SCUBE1: variants seen among roughly 807,000 people sequenced by gnomAD.
SCUBE1 encodes the protein signal peptide, CUB and EGF-like domain-containing protein 1.
In SCUBE1, 59 loss-of-function variants were observed where a neutral mutation model predicts 124.4. That is an observed-to-expected ratio of 0.47 (90% CI 0.38 to 0.59). The LOEUF is 0.59. SCUBE1 is among the 20% of genes least tolerant of loss of function. The pLI is 0.00. For synonymous variants in SCUBE1, 545 were observed against 550.9 expected (o/e 0.99, Z 0.15); for missense variants, 1,150 against 1,371.2 (o/e 0.84, Z 2.55).
At chr22:43,248,379 G>A (rs1364773983) in intron 6 of SCUBE1, among the ~76,000 whole-genome samples, 5 of 152,200 alleles carry the variant, frequency 3.3e-5, no homozygotes, top group South Asian at 2.1e-4. Context: ...CCGAGCCCTC[G>A]TCTTTTCTCT....
intron 3 of SCUBE1, among the ~76,000 whole-genome samples, chr22:43,302,285 T>A (rs145389031): frequency 3.9e-5 from 6 of 152,356 alleles, no homozygotes; most frequent in Non-Finnish European, 7.3e-5. Context: ...CGTCTCCTCC[T>A]GCTTTGTCGG....
intron 15 of SCUBE1, among the ~76,000 whole-genome samples, chr22:43,216,262 G>T (rs1046322785): frequency 6.6e-6 from 1 of 151,000 alleles, no homozygotes; most frequent in Admixed American, 6.6e-5. Flanking sequence ...GGCCAGGCTG[G>T]TCTCAAACTC....
chr22:43,323,524 C>T (rs528783698), intron 2 of SCUBE1, among the ~76,000 whole-genome samples: 2 of 152,202 alleles, frequency 1.3e-5, no homozygotes, highest in Non-Finnish European at 2.9e-5. Flanking sequence ...ATGCATGCAT[C>T]CATCTGTCTA....
chr22:43,291,200 AG>A lies in SCUBE1; in HGVS notation c.350-21del. 3.1e-6 allele frequency: 5 copies of A among 1,598,542 alleles called. No individual in the cohort carries two copies. The highest frequency in any genetic ancestry group is 4.3e-6 in the Non-Finnish European group (5 of 1,167,094). On this transcript the variant is annotated intron_variant, in intron 3 of 21. Coordinates refer to ENST00000360835, the MANE Select transcript of SCUBE1 (RefSeq NM_173050.5). ...CCACATCTGTGAGAAAAGGAAGAGA[AG>A]GGGACCAGAGATCACACCTAAGTTG...
intron 3 of SCUBE1, among the ~76,000 whole-genome samples, chr22:43,292,574 C>CAG (rs1925404641): frequency 6.6e-6 from 1 of 151,642 alleles, no homozygotes; most frequent in Non-Finnish European, 1.5e-5. Flanking sequence ...CACACACACA[C>CAG]ACACACACAC....
intron 1 of SCUBE1, among the ~76,000 whole-genome samples, chr22:43,341,614 T>C (rs190204531): frequency 6.6e-6 from 1 of 152,316 alleles, no homozygotes; most frequent in African/African-American, 2.4e-5. Flanking sequence ...CTTTAAACAC[T>C]TGGGTGTCCT....
intron 2 of SCUBE1, 46 bp from the exon 3 acceptor site, chr22:43,320,111 G>A: frequency 1.9e-6 from 3 of 1,610,348 alleles, no homozygotes; most frequent in Non-Finnish European, 2.5e-6. Flanking sequence ...GAGCCTGGTG[G>A]TCCCCTCTCC....
intron 4 of SCUBE1, among the ~76,000 whole-genome samples, chr22:43,281,695 A>T (rs2146739536): frequency 6.6e-6 from 1 of 152,090 alleles, no homozygotes; most frequent in South Asian, 2.1e-4. Context: ...TGCTGTCCCC[A>T]TATGGGTTCC....
At chr22:43,296,627 C>T (rs921577186) in intron 3 of SCUBE1, among the ~76,000 whole-genome samples, 2 of 152,182 alleles carry the variant, frequency 1.3e-5, no homozygotes, top group Non-Finnish European at 2.9e-5. Flanking sequence ...CCTCCATGCC[C>T]GGTCCTGGGA....
intron 3 of SCUBE1, among the ~76,000 whole-genome samples, chr22:43,299,794 T>C (rs1297064514): frequency 1.3e-5 from 2 of 152,204 alleles, no homozygotes; most frequent in Non-Finnish European, 2.9e-5. Context: ...TCCCAATTCC[T>C]ACCCCTTCGC....
chr22:43,277,486 CAGGGCAT>C (rs1924579311), intron 4 of SCUBE1, among the ~76,000 whole-genome samples: 1 of 152,192 alleles, frequency 6.6e-6, no homozygotes, highest in Non-Finnish European at 1.5e-5. Flanking sequence ...CCTTGTGTCA[CAGGGCAT>C]CTGGGCTGCA....
At chr22:43,284,801 A>G (rs1190295947) in intron 4 of SCUBE1, among the ~76,000 whole-genome samples, 1 of 151,654 alleles carries the variant, frequency 6.6e-6, no homozygotes, top group Admixed American at 6.6e-5. Flanking sequence ...ATCACATTAC[A>G]CACAAAGGGA....
chr22:43,252,658 C>T (rs12170498), intron 6 of SCUBE1, among the ~76,000 whole-genome samples: 31,782 of 152,068 alleles, frequency 0.21, 4,051 homozygotes, highest in East Asian at 0.56. Context: ...ACGAACTGCC[C>T]GTGATCTCTC....
In SCUBE1 at chr22:43,210,330, G is replaced by A. The variant is rs542481617; in HGVS notation, c.2384-90C>T. 265 of 1,186,152 alleles carry A rather than the reference G, an allele frequency of 2.2e-4. No individual in the cohort carries two copies. The highest frequency in any genetic ancestry group is 2.8e-4 in the Non-Finnish European group (249 of 877,768). 73.5% of individuals were successfully genotyped at this position (1,186,152 alleles called of 1,614,324 possible). On this transcript the variant is annotated intron_variant, in intron 18 of 21. Coordinates refer to ENST00000360835, the MANE Select transcript of SCUBE1 (RefSeq NM_173050.5). The surrounding 1 kb of genome is among the most constrained non-coding windows in gnomAD (Gnocchi z 4.5). ...CCTCTAACCACCTGGGAGGCCTAGG[G>A]CAGGGCTGGAAGGTGCTCTTGTCCC... is the stretch of plus-strand genomic sequence containing the variant.
intron 6 of SCUBE1, among the ~76,000 whole-genome samples, chr22:43,254,137 G>T (rs1462669112): frequency 6.6e-6 from 1 of 152,246 alleles, no homozygotes; most frequent in Non-Finnish European, 1.5e-5. Flanking sequence ...CCTGTCCAGA[G>T]AATTTGAGGA....
rs115197817 is a variant in SCUBE1 at position 43,306,500 on chromosome 22, C to G, written c.349+13437G>C. ...TACAAAGGTAGGGTGGCACCAGGCACAGTGACAACAGATTTCAATCCAGTG... is the reference window on the plus strand; with the variant it reads ...TACAAAGGTAGGGTGGCACCAGGCAGAGTGACAACAGATTTCAATCCAGTG... On this transcript the variant is annotated intron_variant, in intron 3 of 21. Coordinates refer to ENST00000360835, the MANE Select transcript of SCUBE1 (RefSeq NM_173050.5). Among the ~76,000 whole-genome samples the G allele has an allele frequency of 8.0e-3, 1,218 of 152,196 alleles. 17 individuals carry two copies. The highest frequency in any genetic ancestry group is 0.027 in the African/African-American group (1,125 of 41,508).
intron 1 of SCUBE1, 53 bp from the exon 2 acceptor site, chr22:43,339,288 G>C: frequency 1.3e-6 from 2 of 1,580,546 alleles, no homozygotes; most frequent in Non-Finnish European, 1.7e-6. Flanking sequence ...CCCAGGGCAG[G>C]TGGCCGATAG....
intron 6 of SCUBE1, among the ~76,000 whole-genome samples, chr22:43,245,327 G>T (rs916260): frequency 6.6e-6 from 1 of 152,298 alleles, no homozygotes; most frequent in African/African-American, 2.4e-5. Flanking sequence ...ACGCCTCCCC[G>T]CCTGCCTCTA....
chr22:43,312,882 C>A, intron 3 of SCUBE1, among the ~76,000 whole-genome samples: 1 of 151,998 alleles, frequency 6.6e-6, no homozygotes, highest in East Asian at 1.9e-4. Flanking sequence ...GCCAGCCTCC[C>A]GGAGCTGGTG....
Sources: gnomAD v4.1 joint callset for allele counts (sites outside exome capture counted in the v4.1 genomes callset) on GRCh38, gnomAD v4.1.1 for gene constraint, Gnocchi (gnomAD v3.1) non-coding constraint, MANE v1.5 for transcripts, NCBI Gene and HGNC (gene_info 2026-07-23, HGNC 2026-07-21) for gene names.